Variants in PNLIP observed in about 807,000 individuals in gnomAD.
PNLIP encodes the protein pancreatic lipase.
Under a neutral mutation model 57.1 loss-of-function variants are expected in PNLIP, and 49 were observed. The observed-to-expected ratio is 0.86, with a 90% CI of 0.68 to 1.09. The LOEUF is 1.09. PNLIP is among the 50% of genes least tolerant of loss of function. The pLI, the probability that PNLIP is intolerant of heterozygous loss-of-function variation, is 0.00. For synonymous variants in PNLIP, 209 were observed against 200.4 expected, an observed-to-expected ratio of 1.04 and a Z score of -0.36; for missense variants, 503 against 570.2, an observed-to-expected ratio of 0.88 and a Z score of 1.20.
intron 10 of PNLIP, 41 bp downstream of exon 10, chr10:116,559,324 A>G: frequency 1.4e-6 from 2 of 1,425,594 alleles, no homozygotes; most frequent in African/African-American, 1.4e-5. Context: ...TTATTGCTAT[A>G]TATTTTATTA....
Position 116,561,608 on chromosome 10 carries a change from A to C in PNLIP, c.1306A>C (p.Ile436Leu), listed in dbSNP as rs907097855. The change falls in exon 12 of 13, where the codon ATT becomes CTT. Residue 436 changes from isoleucine to leucine, a missense_variant. By Grantham distance (5) the Ile-to-Leu change is conservative (BLOSUM62 2). Transcript: ENST00000369221. ...PTLPRVGASK[I>L]IVETNVGKQF... is the part of the protein sequence containing the mutation. ...TTTACCTAGAGTGGGAGCATCCAAG[A>C]TTATAGTGGAGACAAATGTTGGAAA... The C allele has an allele frequency of 1.9e-6, 3 of 1,611,408 alleles. No homozygotes were observed. In the African/African-American group the frequency reaches 4.0e-5, roughly 22 times the overall value.
At position 116,553,517 on chromosome 10, in the gene PNLIP, C is replaced by A. The variant is rs187959423; in HGVS notation, c.460-210C>A. On this transcript the variant is annotated intron_variant, in intron 5 of 12. Coordinates refer to ENST00000369221, the MANE Select transcript of PNLIP (RefSeq NM_000936.4). ...CTAGAGTACACAGAACAGTAACATG[C>A]TGTACAGATTTGTAGCCTAGGAGCA... Among the ~76,000 whole-genome samples, 628 of 152,340 alleles carry A rather than the reference C, an allele frequency of 4.1e-3. 4 individuals are homozygous for A. Among genetic ancestry groups the A allele is most frequent in the African/African-American group, 0.014 (602 of 41,566 alleles).
intron 10 of PNLIP, 108 bp from the exon 11 acceptor site, chr10:116,560,303 ACACAC>A: frequency 1.6e-6 from 1 of 612,624 alleles, no homozygotes; most frequent in Non-Finnish European, 2.9e-6. Context: ...ACACACACAC[ACACAC>A]AATTATAAAT....
intron 4 of PNLIP, among the ~76,000 whole-genome samples, chr10:116,550,151 C>T (rs964278865): frequency 5.3e-5 from 8 of 150,306 alleles, no homozygotes; most frequent in South Asian, 4.3e-4. Context: ...CTCCGCCTCC[C>T]GGGTTCACGC....
Position 116,567,821 on chromosome 10 carries a change from T to A in PNLIP, c.*23T>A. On this transcript the variant is annotated 3_prime_UTR_variant, in exon 13 of 13. Transcript: ENST00000369221. Reference sequence around the variant, plus strand: ...TAGGAGACTACTGTTATTTGACCAATGAATTGACTTCTAATAAAATCTAGT... The same window carrying A: ...TAGGAGACTACTGTTATTTGACCAAAGAATTGACTTCTAATAAAATCTAGT... The A allele has an allele frequency of 6.4e-7, 1 of 1,564,482 alleles. No individual in the cohort carries two copies. Among genetic ancestry groups the A allele is most frequent in the African/African-American group, 1.4e-5 (1 of 74,028 alleles).
intron 5 of PNLIP, among the ~76,000 whole-genome samples, chr10:116,552,067 C>A (rs546725664): frequency 3.6e-4 from 55 of 152,266 alleles, no homozygotes; most frequent in Non-Finnish European, 6.8e-4. Flanking sequence ...ACATATTACT[C>A]ATGGATTTGT....
At chr10:116,564,552 C>G (rs1319829305) in intron 12 of PNLIP, among the ~76,000 whole-genome samples, 2 of 151,760 alleles carry the variant, frequency 1.3e-5, no homozygotes, top group African/African-American at 4.8e-5. Context: ...GAAAATGATA[C>G]CAGGTAGAAA....
chr10:116,548,544 G>A (rs1589554154), intron 4 of PNLIP, 62 bp downstream of exon 4: 1 of 1,568,248 alleles, frequency 6.4e-7, no homozygotes, highest in Non-Finnish European at 8.7e-7. Flanking sequence ...CAAACGGTAA[G>A]GCACTGGCCC....
At chr10:116,560,703 G>A (rs1172699625) in intron 11 of PNLIP, among the ~76,000 whole-genome samples, 179 bp downstream of exon 11, 5 of 151,504 alleles carry the variant, frequency 3.3e-5, no homozygotes, top group Non-Finnish European at 5.9e-5. Flanking sequence ...TTAGCCTCCC[G>A]AGTAGCTGGG....
intron 6 of PNLIP, 140 bp downstream of exon 6, chr10:116,553,978 A>G (rs572048386): frequency 2.2e-4 from 115 of 529,972 alleles, no homozygotes; most frequent in African/African-American, 2.1e-3. Flanking sequence ...GACGCTACAA[A>G]CTTAGACTAA....
chr10:116,552,808 C>T (rs1231291564), intron 5 of PNLIP, among the ~76,000 whole-genome samples: 1 of 152,028 alleles, frequency 6.6e-6, no homozygotes, highest in Non-Finnish European at 1.5e-5. Context: ...ATGGCGTGAA[C>T]CCGGGAGGTG....
chr10:116,563,959 C>CT (rs1273694287), intron 12 of PNLIP, among the ~76,000 whole-genome samples: 1 of 152,008 alleles, frequency 6.6e-6, no homozygotes, highest in African/African-American at 2.4e-5. Flanking sequence ...AAATAAGACC[C>CT]TTTTTTAGGT....
chr10:116,556,851 CCCAGG>C (rs1340019142), intron 9 of PNLIP, among the ~76,000 whole-genome samples: 1 of 152,052 alleles, frequency 6.6e-6, no homozygotes, highest in Non-Finnish European at 1.5e-5. Flanking sequence ...GTCACAATTA[CCCAGG>C]ATATATACCT....
chr10:116,555,401 C>A lies in PNLIP; in HGVS notation c.705C>A (p.Ser235Arg), dbSNP rs762488449. The A allele has an allele frequency of 1.2e-6, 2 of 1,614,052 alleles. No individual in the cohort carries two copies. Among genetic ancestry groups the A allele is most frequent in the Admixed American group, 3.3e-5 (2 of 60,004 alleles). Residue 235 changes from serine to arginine, a missense_variant, in exon 8 of 13, where the codon AGC becomes AGA. Physicochemically the swap from Ser to Arg is moderately radical, Grantham distance 110. Coordinates refer to ENST00000369221, the MANE Select transcript of PNLIP (RefSeq NM_000936.4). ...TTATGATTTCAGGGTTTGGAATGAG[C>A]CAAGTCGTGGGCCACCTAGATTTCT... ...PIVPNLGFGMSQVVGHLDFFP... is the reference protein window; with the variant it reads ...PIVPNLGFGMRQVVGHLDFFP...
chr10:116,555,539 T>C (rs1426995692), intron 8 of PNLIP, 32 bp downstream of exon 8: 1 of 1,603,210 alleles, frequency 6.2e-7, no homozygotes. Flanking sequence ...AGAGATCTTC[T>C]TGGGAGAAAG....
chr10:116,551,466 T>C (rs951905338), intron 5 of PNLIP, among the ~76,000 whole-genome samples: 2 of 152,202 alleles, frequency 1.3e-5, no homozygotes, highest in Non-Finnish European at 2.9e-5. Context: ...AAGCAATTGG[T>C]AGGTTGTTTT....
chr10:116,557,138 G>A (rs1246222766), intron 9 of PNLIP, among the ~76,000 whole-genome samples: 1 of 152,150 alleles, frequency 6.6e-6, no homozygotes, highest in African/African-American at 2.4e-5. Context: ...CAGTGAGACA[G>A]AAGATCCCTT....
rs779505122 is a variant in PNLIP, at chr10:116,546,111, C to A, written c.19C>A (p.Leu7Ile). 4.3e-6 allele frequency: 7 copies of A among 1,613,782 alleles called. No homozygotes were observed. Among genetic ancestry groups the A allele is most frequent in the Non-Finnish European group, 5.9e-6 (7 of 1,179,808 alleles). ...CGTGTAGATGCTGCCACTTTGGACT[C>A]TTTCACTGCTGCTGGGAGCAGTAGC... MLPLWT[L>I]SLLLGAVAGK... is the part of the protein sequence containing the mutation. The change falls in exon 2 of 13, where the codon CTT becomes ATT. Residue 7 changes from leucine (L) to isoleucine (I), a missense_variant. Coordinates refer to ENST00000369221, the MANE Select transcript of PNLIP (RefSeq NM_000936.4).
rs1199156517 is a variant in PNLIP, at chr10:116,548,442, T to C, written c.284T>C (p.Ile95Thr). 5.6e-6 allele frequency: 9 copies of C among 1,614,096 alleles called. No homozygotes were observed. The highest frequency in any genetic ancestry group is 1.3e-5 in the African/African-American group (1 of 75,074). ...RKTRFIIHGF[I>T]DKGEENWLAN... ...ACTCGCTTTATTATTCATGGATTCA[T>C]AGACAAGGGAGAAGAAAACTGGCTG... The change falls in exon 4 of 13, where the codon ATA (isoleucine) becomes ACA (threonine). Residue 95 changes from isoleucine (I) to threonine (T), a missense_variant. Physicochemically the swap from Ile to Thr is moderately conservative, Grantham distance 89. Transcript: ENST00000369221.
Sources: gnomAD v4.1 joint callset for allele counts (sites outside exome capture counted in the v4.1 genomes callset) on GRCh38, gnomAD v4.1.1 for gene constraint, MANE v1.5 for transcripts, NCBI Gene and HGNC (gene_info 2026-07-23, HGNC 2026-07-21) for gene names.